CASK: variants seen among roughly 807,000 people sequenced by gnomAD.
CASK encodes peripheral plasma membrane protein CASK.
A neutral mutation model predicts 82.9 loss-of-function variants in CASK; 4 were observed. The observed-to-expected ratio is 0.05, with a 90% CI of 0.02 to 0.11. The LOEUF (loss-of-function observed/expected upper bound fraction) is 0.11. Among genes scored for constraint, CASK ranks in the 10% least tolerant of loss-of-function variants. The pLI, the probability that CASK is intolerant of heterozygous loss-of-function variation, is 1.00. For synonymous variants in CASK, 259 were observed against 253.5 expected (o/e 1.02, Z -0.20); for missense variants, 358 against 720.9 (o/e 0.50, Z 5.76).
intron 15 of CASK, among the ~76,000 whole-genome samples, chrX:41,577,369 C>T (rs1166895840): frequency 8.9e-6 from 1 of 112,196 alleles, no homozygotes; most frequent in African/African-American, 3.2e-5. Flanking sequence ...TGCACTGCTG[C>T]AATAACAGCC....
chrX:41,634,282 A>C (rs2066520275), intron 9 of CASK, among the ~76,000 whole-genome samples: 1 of 112,654 alleles, frequency 8.9e-6, no homozygotes, highest in African/African-American at 3.2e-5. Flanking sequence ...AATGGGAATT[A>C]GTTCCTTGAG....
At chrX:41,522,717 A>G (rs1465717637) in intron 26 of CASK, among the ~76,000 whole-genome samples, 4 of 112,070 alleles carry the variant, frequency 3.6e-5, no homozygotes, top group Non-Finnish European at 7.5e-5. Flanking sequence ...TATTCAAGAA[A>G]ATTTATGGCT....
At chrX:41,855,138 G>A (rs1438672139) in intron 1 of CASK, among the ~76,000 whole-genome samples, 1 of 111,659 alleles carries the variant, frequency 9.0e-6, no homozygotes, top group Non-Finnish European at 1.9e-5. Context: ...GAGGAAGAAA[G>A]CATATCTTCT....
chrX:41,698,017 T>C (rs776862465), intron 5 of CASK: 1 of 110,879 alleles, frequency 9.0e-6, no homozygotes, highest in East Asian at 2.8e-4. Context: ...GCCAGGCTGG[T>C]CTCGAACTCC....
At chrX:41,695,552 T>C (rs2067669452) in intron 5 of CASK, 1 of 619,413 alleles carries the variant, frequency 1.6e-6, no homozygotes, top group Non-Finnish European at 2.6e-6. Flanking sequence ...CATTCCGTTG[T>C]AGGAAAAATC....
chrX:41,642,751 A>G (rs2147392140), intron 8 of CASK, among the ~76,000 whole-genome samples: 1 of 112,188 alleles, frequency 8.9e-6, no homozygotes, highest in East Asian at 2.8e-4. Context: ...CTTTAGCTTA[A>G]TTAGATCCCA....
chrX:41,691,564 G>C (rs1340615466), intron 5 of CASK, among the ~76,000 whole-genome samples: 1 of 110,930 alleles, frequency 9.0e-6, no homozygotes, highest in Non-Finnish European at 1.9e-5. Flanking sequence ...TGTCATTTAA[G>C]AGTTGTGTGG....
At chrX:41,534,634 A>G (rs906248025) in intron 24 of CASK, 72 bp downstream of exon 24, 85 of 856,179 alleles carry the variant, frequency 9.9e-5, no homozygotes, top group Non-Finnish European at 1.4e-4. Context: ...TAATCAGAAA[A>G]AAATACATAA....
chrX:41,884,450 A>G lies in CASK; in HGVS notation c.60-31223T>C, dbSNP rs933884095. Among the ~76,000 whole-genome samples the G allele has an allele frequency of 2.7e-5, 3 of 111,509 alleles. No homozygotes were observed. The East Asian group carries it at 8.5e-4, about 32-fold the overall frequency. ...TGTTCCCATTAAGGAAGGGGTAAGC[A>G]TGTTCTTTGTGTGGGAAGATAACTG... On this transcript the variant is annotated intron_variant, in intron 1 of 26. Transcript: ENST00000378163.
rs906064155 is a variant in CASK, at chrX:41,648,847, T to C, written c.831+11592A>G. Among the ~76,000 whole-genome samples, 3 of 111,773 alleles carry C rather than the reference T, an allele frequency of 2.7e-5. No homozygotes were observed. In the South Asian group the frequency reaches 1.1e-3, roughly 42 times the overall value. On this transcript the variant is annotated intron_variant, in intron 8 of 26. Coordinates refer to ENST00000378163, the MANE Select transcript of CASK (RefSeq NM_001367721.1). The stretch of plus-strand genomic sequence containing the variant: ...AAGGAATGGTACCAGCTCCTCCTTG[T>C]ACCTCTGGTAGAATTGGGCTGTGAA...
intron 2 of CASK, among the ~76,000 whole-genome samples, chrX:41,810,171 T>C (rs1172856313): frequency 8.9e-6 from 1 of 112,222 alleles, no homozygotes; most frequent in Non-Finnish European, 1.9e-5. Flanking sequence ...CTCTGCAGGA[T>C]ATTATCCAGG....
rs775207976 is a variant in CASK, at chrX:41,783,137, G to A, written c.278+4041C>T. The stretch of plus-strand genomic sequence containing the variant: ...CCAGCCTGGGCGACAGAGTGAGACT[G>A]TTAAAAACAAAAACAACAACAACAA... On this transcript the variant is annotated intron_variant, in intron 3 of 26. Transcript: ENST00000378163. Among the ~76,000 whole-genome samples, 132 of 110,410 alleles carry A rather than the reference G, an allele frequency of 1.2e-3. 1 individual carries two copies. Among genetic ancestry groups the A allele is most frequent in the Admixed American group, 4.4e-3 (46 of 10,399 alleles).
rs1437343527 is a variant in CASK, at chrX:41,923,016, T to C, written c.-28A>G. 1 of 1,199,132 alleles carries C rather than the reference T, an allele frequency of 8.3e-7. No homozygotes were observed. On this transcript the variant is annotated 5_prime_UTR_variant, in exon 1 of 27. Transcript: ENST00000378163. ...TCCGGAGGGGATAGCGGCCGCAGCGTGGAGGGCTTCGAAAACGGGGGTGGG... is the reference window on the plus strand; with the variant it reads ...TCCGGAGGGGATAGCGGCCGCAGCGCGGAGGGCTTCGAAAACGGGGGTGGG...
At chrX:41,841,228 T>C (rs1390316010) in intron 2 of CASK, among the ~76,000 whole-genome samples, 1 of 111,949 alleles carries the variant, frequency 8.9e-6, no homozygotes, top group East Asian at 2.8e-4. Flanking sequence ...TTTGTTTTTT[T>C]ACTACAGCCA....
At chrX:41,821,311 G>A (rs2070535880) in intron 2 of CASK, among the ~76,000 whole-genome samples, 1 of 111,581 alleles carries the variant, frequency 9.0e-6, no homozygotes, top group Non-Finnish European at 1.9e-5. Context: ...TATATGAATG[G>A]CCAATAAGTG....
chrX:41,708,190 G>A (rs893636403), intron 5 of CASK, among the ~76,000 whole-genome samples: 1 of 110,592 alleles, frequency 9.0e-6, no homozygotes, highest in African/African-American at 3.3e-5. Context: ...ACTGACAGGA[G>A]GAAGTGACTA....
intron 3 of CASK, among the ~76,000 whole-genome samples, chrX:41,779,104 C>T (rs1007615730): frequency 8.0e-5 from 9 of 112,018 alleles, no homozygotes; most frequent in African/African-American, 2.9e-4. Context: ...GATTTCAGGA[C>T]GGTCCTCTAC....
intron 5 of CASK, among the ~76,000 whole-genome samples, chrX:41,680,300 G>A (rs1272660962): frequency 9.1e-6 from 1 of 109,343 alleles, no homozygotes; most frequent in Non-Finnish European, 1.9e-5. Flanking sequence ...TGGCCAACAT[G>A]GTGAAGCCCT....
intron 12 of CASK, among the ~76,000 whole-genome samples, chrX:41,595,589 T>C (rs750084611): frequency 1.8e-5 from 2 of 111,531 alleles, no homozygotes; most frequent in Non-Finnish European, 3.8e-5. Flanking sequence ...AATGAGACTC[T>C]GTTTGGGGTA....
Sources: gnomAD v4.1 joint callset for allele counts (sites outside exome capture counted in the v4.1 genomes callset) on GRCh38, gnomAD v4.1.1 for gene constraint, MANE v1.5 for transcripts, NCBI Gene and HGNC (gene_info 2026-07-23, HGNC 2026-07-21) for gene names.